Variants in NPAS3 observed in about 807,000 individuals in gnomAD.
The protein encoded by NPAS3 is neuronal PAS domain protein 3.
Under a neutral mutation model 73.1 loss-of-function variants are expected in NPAS3, and 14 were observed. That is an observed-to-expected ratio of 0.19 (90% CI 0.13 to 0.30). The LOEUF (loss-of-function observed/expected upper bound fraction) is 0.30. NPAS3 is among the 10% of genes least tolerant of loss of function. The pLI is 1.00. For synonymous variants in NPAS3, 620 were observed against 541.5 expected (o/e 1.14, Z -2.01); for missense variants, 1,096 against 1,250.0 (o/e 0.88, Z 1.86).
chr14:33,590,469 A>T (rs2057023795), intron 5 of NPAS3, among the ~76,000 whole-genome samples: 1 of 152,098 alleles, frequency 6.6e-6, no homozygotes, highest in South Asian at 2.1e-4. Context: ...AGATATATAG[A>T]TTTGGGGGGT....
intron 1 of NPAS3, among the ~76,000 whole-genome samples, chr14:32,978,705 A>G (rs1479756239): frequency 6.6e-6 from 1 of 152,088 alleles, no homozygotes; most frequent in Admixed American, 6.5e-5. Flanking sequence ...GATTATTAGT[A>G]TTTCTGCATC....
intron 7 of NPAS3, among the ~76,000 whole-genome samples, chr14:33,753,904 G>A (rs1225601949): frequency 2.0e-5 from 3 of 152,104 alleles, no homozygotes; most frequent in Non-Finnish European, 4.4e-5. Flanking sequence ...GCCTCCCACA[G>A]TTCCCAGTGC....
chr14:33,371,644 A>G (rs1479908929), intron 4 of NPAS3, among the ~76,000 whole-genome samples: 1 of 152,156 alleles, frequency 6.6e-6, no homozygotes, highest in East Asian at 1.9e-4. Flanking sequence ...GAGTATTTTG[A>G]TTACATCTAA....
At chr14:33,579,217 A>C (rs2056566164) in intron 5 of NPAS3, among the ~76,000 whole-genome samples, 1 of 152,220 alleles carries the variant, frequency 6.6e-6, no homozygotes, top group African/African-American at 2.4e-5. Context: ...TTATGAAGAA[A>C]ATGAATTCTA....
At chr14:33,284,853 T>G (rs2041808774) in intron 3 of NPAS3, among the ~76,000 whole-genome samples, 1 of 152,026 alleles carries the variant, frequency 6.6e-6, no homozygotes, top group Non-Finnish European at 1.5e-5. Context: ...AGTTATAAGC[T>G]CCCTCATTTT....
chr14:33,332,193 AT>A (rs1183091156), intron 3 of NPAS3, among the ~76,000 whole-genome samples: 1 of 152,140 alleles, frequency 6.6e-6, no homozygotes, highest in Non-Finnish European at 1.5e-5. Flanking sequence ...TCCCAAAGCG[AT>A]TTTATTTCTT....
At chr14:33,795,849 A>G (rs2063497328) in intron 10 of NPAS3, among the ~76,000 whole-genome samples, 1 of 152,200 alleles carries the variant, frequency 6.6e-6, no homozygotes, top group African/African-American at 2.4e-5. Context: ...CAAATCCCAT[A>G]TGGATAGGAA....
chr14:33,665,945 C>G (rs574856107), intron 5 of NPAS3, among the ~76,000 whole-genome samples: 2 of 152,056 alleles, frequency 1.3e-5, no homozygotes, highest in African/African-American at 4.8e-5. Context: ...GGGTCCAGAG[C>G]TTAAATGTGT....
At chr14:33,798,248 G>A (rs2063571390) in intron 11 of NPAS3, among the ~76,000 whole-genome samples, 1 of 152,078 alleles carries the variant, frequency 6.6e-6, no homozygotes, top group Admixed American at 6.5e-5. Context: ...CATTTCCTTT[G>A]GGGAAGCGGA....
At chr14:33,373,870 C>T (rs1229615247) in intron 4 of NPAS3, among the ~76,000 whole-genome samples, 1 of 152,066 alleles carries the variant, frequency 6.6e-6, no homozygotes, top group African/African-American at 2.4e-5. Context: ...AGATTATGAC[C>T]CCTGAGGTTC....
chr14:33,197,037 G>C (rs1335575341), intron 2 of NPAS3, among the ~76,000 whole-genome samples: 4 of 152,114 alleles, frequency 2.6e-5, no homozygotes, highest in Non-Finnish European at 4.4e-5. Flanking sequence ...TCCAAATGAA[G>C]GCTGTAATTT....
Position 33,184,183 on chromosome 14 carries a change from G to A in NPAS3, c.141-30999G>A, listed in dbSNP as rs528850731. On this transcript the variant is annotated intron_variant, in intron 2 of 11. Transcript: ENST00000356141. ...GTCCTTGAATAGGGAGGGGCACGATGCCACAGAGCCTCCTGGGAGAACACA... is the reference window on the plus strand; with the variant it reads ...GTCCTTGAATAGGGAGGGGCACGATACCACAGAGCCTCCTGGGAGAACACA... Among the ~76,000 whole-genome samples, 7 of 152,278 alleles carry A rather than the reference G, an allele frequency of 4.6e-5. No individual in the cohort carries two copies. In the South Asian group the frequency reaches 6.2e-4, roughly 14 times the overall value.
intron 2 of NPAS3, among the ~76,000 whole-genome samples, chr14:33,150,612 T>C (rs2044410568): frequency 6.6e-6 from 1 of 152,250 alleles, no homozygotes; most frequent in South Asian, 2.1e-4. Context: ...TTTTGTTTGC[T>C]TTAATTCTCA....
intron 1 of NPAS3, among the ~76,000 whole-genome samples, chr14:33,015,988 A>G (rs552289323): frequency 6.6e-6 from 1 of 152,302 alleles, no homozygotes; most frequent in East Asian, 1.9e-4. Context: ...GAAATGAATA[A>G]TGTTTTAATT....
intron 1 of NPAS3, among the ~76,000 whole-genome samples, chr14:33,013,145 C>G (rs1241653371): frequency 6.6e-6 from 1 of 152,232 alleles, no homozygotes; most frequent in South Asian, 2.1e-4. Context: ...CTCAGTTTCT[C>G]CATACCCAAA....
chr14:33,445,941 T>A (rs2049468368), intron 4 of NPAS3, among the ~76,000 whole-genome samples: 1 of 151,818 alleles, frequency 6.6e-6, no homozygotes, highest in Non-Finnish European at 1.5e-5. Context: ...ACTTTTTTTT[T>A]TTTTTTTCAG....
intron 1 of NPAS3, among the ~76,000 whole-genome samples, chr14:32,963,096 C>T (rs1382899902): frequency 6.6e-6 from 1 of 152,066 alleles, no homozygotes; most frequent in Admixed American, 6.5e-5. Context: ...GTGGTGATTG[C>T]TGACGATTCT....
chr14:32,942,106 A>G (rs1431722102), intron 1 of NPAS3, among the ~76,000 whole-genome samples: 1 of 152,192 alleles, frequency 6.6e-6, no homozygotes, highest in African/African-American at 2.4e-5. Flanking sequence ...GTTGAACACA[A>G]ATATGTTTAT....
chr14:33,677,835 ATATTCT>A (rs1243423621), intron 6 of NPAS3, among the ~76,000 whole-genome samples: 3 of 152,226 alleles, frequency 2.0e-5, no homozygotes, highest in African/African-American at 7.2e-5. Context: ...GGCAAGTGAT[ATATTCT>A]TATACCATAG....
Sources: allele counts gnomAD v4.1 joint callset (sites outside exome capture counted in the v4.1 genomes callset), GRCh38; gene constraint gnomAD v4.1.1; transcripts MANE v1.5; gene names NCBI Gene and HGNC (gene_info 2026-07-23, HGNC 2026-07-21).